Variants in ADGRV1 observed in about 807,000 individuals in gnomAD.
The protein encoded by ADGRV1 is adhesion G protein-coupled receptor V1.
In ADGRV1, 359 loss-of-function variants were observed where a neutral mutation model predicts 596.2. The observed-to-expected ratio is 0.60, with a 90% CI of 0.55 to 0.66. ADGRV1 has a LOEUF of 0.66. ADGRV1 is among the 30% of genes least tolerant of loss of function. The pLI, the probability that ADGRV1 is intolerant of heterozygous loss-of-function variation, is 0.00. For synonymous variants in ADGRV1, 2,681 were observed against 2,679.2 expected (o/e 1.00, Z -0.02); for missense variants, 7,274 against 7,575.6 (o/e 0.96, Z 1.48).
intron 1 of ADGRV1, among the ~76,000 whole-genome samples, chr5:90,594,482 GTTCT>G (rs767711166): frequency 3.2e-5 from 4 of 124,644 alleles, no homozygotes; most frequent in African/African-American, 9.8e-5. Flanking sequence ...GTCTCTGGCA[GTTCT>G]TTTTTTTTTT....
intron 87 of ADGRV1, among the ~76,000 whole-genome samples, chr5:91,124,575 C>T (rs75669863): frequency 0.017 from 2,659 of 152,250 alleles, 67 homozygotes; most frequent in African/African-American, 0.06. Context: ...CCAGTATTGA[C>T]TTTAGCATGA....
intron 85 of ADGRV1, among the ~76,000 whole-genome samples, chr5:91,035,861 T>TTATATATA (rs1554202360): frequency 1.9e-4 from 18 of 96,402 alleles, no homozygotes; most frequent in African/African-American, 5.7e-4. Context: ...TATATATATA[T>TTATATATA]TATATATATA....
At chr5:90,826,986 A>G (rs74683658) in intron 76 of ADGRV1, among the ~76,000 whole-genome samples, 7,104 of 152,262 alleles carry the variant, frequency 0.047, 585 homozygotes, top group African/African-American at 0.16. Flanking sequence ...CTATATTAGT[A>G]AAATGTAAAA....
chr5:90,692,430 T>G (rs1364129093), intron 31 of ADGRV1, among the ~76,000 whole-genome samples, 175 bp from the exon 32 acceptor site: 1 of 152,238 alleles, frequency 6.6e-6, no homozygotes, highest in Non-Finnish European at 1.5e-5. Flanking sequence ...TGATGGGTTA[T>G]TCTGTTACAT....
At chr5:90,693,137 G>GTTTTTTTTTTTCTTTTT (rs138813234) in intron 32 of ADGRV1, among the ~76,000 whole-genome samples, 1 of 131,774 alleles carries the variant, frequency 7.6e-6, no homozygotes. Context: ...TTCCAGGTCT[G>GTTTTTTTTTTTCTTTTT]TTTTTTTTTT....
In ADGRV1 at chr5:90,720,063, G is replaced by T. The variant is rs1211137695; in HGVS notation, c.9463G>T (p.Ala3155Ser). The change falls in exon 44 of 90, where the codon GCC (alanine) becomes TCC (serine). Residue 3155 changes from alanine (A) to serine (S), a missense_variant. This residue lies in a region of ADGRV1 where 3,643 missense variants were observed against 3,809.2 expected (regional missense o/e 0.96). Coordinates refer to ENST00000405460, the MANE Select transcript of ADGRV1 (RefSeq NM_032119.4). The stretch of plus-strand genomic sequence containing the variant: ...TTGTTTTCAGGCCCTACAAATATCT[G>T]CCATATTAGACACGGAACCAGAAAT... ...GVRFKALQIS[A>S]ILDTEPEMDE... 1.9e-6 allele frequency: 3 copies of T among 1,613,294 alleles called. No individual in the cohort carries two copies. The highest frequency in any genetic ancestry group is 1.1e-5 in the South Asian group (1 of 91,036).
At chr5:90,588,798 C>T (rs956874315) in intron 1 of ADGRV1, among the ~76,000 whole-genome samples, 8 of 152,100 alleles carry the variant, frequency 5.3e-5, no homozygotes, top group South Asian at 4.1e-4. Context: ...GTTAGGGAAG[C>T]GGGGGATATT....
Position 90,617,955 on chromosome 5 carries a change from T to C in ADGRV1, c.357+2T>C. On this transcript the variant is annotated splice_donor_variant, in intron 3 of 89. Transcript: ENST00000405460. LOFTEE classifies it high-confidence loss of function. ...TTTATTTTTCACTTAACATTACAGG[T>C]AAGTCCGTGTTTCCTCCTTATAAAA... 2 of 1,555,100 alleles carry C rather than the reference T, an allele frequency of 1.3e-6. No homozygotes were observed. Among genetic ancestry groups the C allele is most frequent in the Non-Finnish European group, 1.7e-6 (2 of 1,148,160 alleles).
chr5:90,744,000 A>G (rs931481447), intron 50 of ADGRV1, among the ~76,000 whole-genome samples: 4 of 151,974 alleles, frequency 2.6e-5, no homozygotes, highest in African/African-American at 9.7e-5. Context: ...ATATATATAT[A>G]TACATATGGA....
chr5:90,886,737 A>G (rs995200506), intron 83 of ADGRV1, among the ~76,000 whole-genome samples: 31 of 152,162 alleles, frequency 2.0e-4, no homozygotes, highest in Non-Finnish European at 1.3e-4. Context: ...CTTGAAAACC[A>G]TTCTTCCCAG....
At chr5:90,667,667 T>G (rs1299896939) in intron 21 of ADGRV1, among the ~76,000 whole-genome samples, 5 of 151,970 alleles carry the variant, frequency 3.3e-5, no homozygotes, top group Admixed American at 6.6e-5. Flanking sequence ...ACTGCGTTCC[T>G]TTGGAGGAGG....
chr5:90,727,051 T>C (rs1434741993), intron 48 of ADGRV1, among the ~76,000 whole-genome samples: 1 of 152,202 alleles, frequency 6.6e-6, no homozygotes, highest in Non-Finnish European at 1.5e-5. Flanking sequence ...ACTCAGTTGC[T>C]TAGGACAGAA....
At chr5:91,147,355 G>A (rs903708792) in intron 87 of ADGRV1, among the ~76,000 whole-genome samples, 3 of 152,134 alleles carry the variant, frequency 2.0e-5, no homozygotes, top group African/African-American at 7.2e-5. Context: ...AATCAACAAT[G>A]CTTTCAACCA....
Position 90,807,724 on chromosome 5 carries a change from G to A in ADGRV1, c.14959G>A (p.Gly4987Arg), listed in dbSNP as rs190988309. ...AGGAGTGCAGAGCAGTGCTCCTGGC[G>A]GAGCTCAACTCCGGTAAGACCAACC... ...LSGVQSSAPG[G>R]AQLRSGFIVA... The change falls in exon 73 of 90, where the codon GGA becomes AGA. Residue 4987 changes from glycine (G) to arginine (R), a missense_variant. Physicochemically the swap from Gly to Arg is moderately radical, Grantham distance 125 (BLOSUM62 -2). This residue lies in a region of ADGRV1 where 1,874 missense variants were observed against 1,970.2 expected (regional missense o/e 0.95). Transcript: ENST00000405460. The A allele has an allele frequency of 2.0e-4, 315 of 1,556,766 alleles. No homozygotes were observed. The highest frequency in any genetic ancestry group is 9.9e-4 in the Admixed American group (55 of 55,506).
chr5:90,852,348 G>A (rs1766613909), intron 79 of ADGRV1, among the ~76,000 whole-genome samples: 1 of 152,172 alleles, frequency 6.6e-6, no homozygotes, highest in African/African-American at 2.4e-5. Context: ...AATCTACGAC[G>A]TAGTTGTACA....
intron 85 of ADGRV1, among the ~76,000 whole-genome samples, chr5:91,068,972 C>A (rs1348704974): frequency 6.6e-6 from 1 of 151,832 alleles, no homozygotes; most frequent in Non-Finnish European, 1.5e-5. Flanking sequence ...AGTTAGAAAA[C>A]CGAAAAAAAA....
In ADGRV1 at chr5:90,725,621, A is replaced by G. The variant is rs200528472; in HGVS notation, c.10126A>G (p.Ile3376Val). The change falls in exon 48 of 90, where the codon ATT (isoleucine) becomes GTT (valine). Residue 3376 changes from isoleucine (I) to valine (V), a missense_variant. Ile to Val is a conservative substitution (Grantham distance 29). This residue lies in a region of ADGRV1 where 3,643 missense variants were observed against 3,809.2 expected (regional missense o/e 0.96). Coordinates refer to ENST00000405460, the MANE Select transcript of ADGRV1 (RefSeq NM_032119.4). ...FTSDSQDYLIIASQRDDSELT... is the reference protein window; with the variant it reads ...FTSDSQDYLIVASQRDDSELT... Reference sequence around the variant, plus strand: ...TTCAGACAGCCAAGATTATTTAATCATTGCAAGTCAAAGAGATGATTCCGA... The same window carrying G: ...TTCAGACAGCCAAGATTATTTAATCGTTGCAAGTCAAAGAGATGATTCCGA... 516 of 1,582,018 alleles carry G rather than the reference A, an allele frequency of 3.3e-4. 2 individuals are homozygous for G. The African/African-American group carries it at 6.0e-3, about 18-fold the overall frequency.
chr5:90,667,938 G>A (rs1215335111), intron 21 of ADGRV1, among the ~76,000 whole-genome samples: 2 of 152,002 alleles, frequency 1.3e-5, no homozygotes, highest in East Asian at 1.9e-4. Context: ...CAGGGGTCAG[G>A]CACCCACTTG....
chr5:90,820,889 G>A (rs947867654), intron 75 of ADGRV1, among the ~76,000 whole-genome samples: 3 of 152,000 alleles, frequency 2.0e-5, no homozygotes, highest in Non-Finnish European at 4.4e-5. Flanking sequence ...TGACAGTTAT[G>A]TGTCTTGGAG....
Sources: gnomAD v4.1 joint callset for allele counts (sites outside exome capture counted in the v4.1 genomes callset) on GRCh38, gnomAD v4.1.1 for gene constraint, gnomAD v4.1.1 regional missense constraint, MANE v1.5 for transcripts, NCBI Gene and HGNC (gene_info 2026-07-23, HGNC 2026-07-21) for gene names.